Variants in CCDC60 observed in about 807,000 individuals in gnomAD.
CCDC60 encodes the protein coiled-coil domain containing 60, also known as coiled-coil domain-containing protein 60.
Under a neutral mutation model 63.5 loss-of-function variants are expected in CCDC60, and 54 were observed. That is an observed-to-expected ratio of 0.85 (90% CI 0.68 to 1.07). The LOEUF (loss-of-function observed/expected upper bound fraction) is 1.07, where lower values mean the gene tolerates loss of function less well. Among genes scored for constraint, CCDC60 ranks in the 50% least tolerant of loss-of-function variants. The pLI is 0.00. For missense variants in CCDC60, 651 were observed against 684.3 expected, an observed-to-expected ratio of 0.95 and a Z score of 0.54; for synonymous variants, 206 against 238.8, an observed-to-expected ratio of 0.86 and a Z score of 1.27.
chr12:119,414,557 G>T (rs1161072520), intron 1 of CCDC60, among the ~76,000 whole-genome samples: 1 of 151,782 alleles, frequency 6.6e-6, no homozygotes, highest in Non-Finnish European at 1.5e-5. Flanking sequence ...ATTTCATTTT[G>T]TTTTGTTTTT....
intron 7 of CCDC60, among the ~76,000 whole-genome samples, chr12:119,515,962 G>A (rs1052983873): frequency 6.6e-6 from 1 of 152,180 alleles, no homozygotes; most frequent in Non-Finnish European, 1.5e-5. Flanking sequence ...TCTCAGCTTT[G>A]GAAACAGTTC....
chr12:119,522,902 A>AC, intron 9 of CCDC60, 37 bp from the exon 10 acceptor site: 1 of 1,607,394 alleles, frequency 6.2e-7, no homozygotes, highest in Non-Finnish European at 8.5e-7. Context: ...TGAAAAGCAG[A>AC]CTCTGAGCAA....
intron 1 of CCDC60, among the ~76,000 whole-genome samples, chr12:119,336,044 T>G (rs1432477474): frequency 7.6e-6 from 1 of 132,198 alleles, no homozygotes; most frequent in Non-Finnish European, 1.5e-5. Flanking sequence ...AATTGAACAA[T>G]GAGATCACAT....
intron 1 of CCDC60, among the ~76,000 whole-genome samples, chr12:119,364,955 A>G (rs1369006495): frequency 2.0e-5 from 3 of 152,200 alleles, no homozygotes; most frequent in Non-Finnish European, 2.9e-5. Context: ...TGAGGTGTAT[A>G]GAAAACTCAG....
intron 1 of CCDC60, among the ~76,000 whole-genome samples, chr12:119,379,076 G>A (rs971013417): frequency 5.9e-5 from 9 of 152,246 alleles, no homozygotes; most frequent in African/African-American, 2.2e-4. Context: ...TTACCAGGCA[G>A]AGGCCAATTC....
At chr12:119,360,807 C>G (rs372206271) in intron 1 of CCDC60, among the ~76,000 whole-genome samples, 1 of 151,958 alleles carries the variant, frequency 6.6e-6, no homozygotes, top group Non-Finnish European at 1.5e-5. Context: ...GAGGTTGTAG[C>G]GAGCCGAGAT....
intron 4 of CCDC60, among the ~76,000 whole-genome samples, chr12:119,480,560 ACACCATCATCATCAT>A (rs1379400297): frequency 1.3e-5 from 2 of 150,556 alleles, no homozygotes; most frequent in Admixed American, 1.3e-4. Flanking sequence ...ACCATCACCA[ACACCATCATCATCAT>A]CACCATCATC....
Position 119,456,916 on chromosome 12 carries a change from T to G in CCDC60, c.171-15078T>G, listed in dbSNP as rs149402458. ...TTATGATCTGTATTTTGTGCCTACC[T>G]CCTATCTCATCCAGTGACTTAGAAT... On this transcript the variant is annotated intron_variant, in intron 2 of 13. Transcript: ENST00000327554. This position sits in a 1 kb window ranked among gnomAD's most constrained non-coding sequence, Gnocchi z 4.6. Among the ~76,000 whole-genome samples, 390 of 152,298 alleles carry G rather than the reference T, an allele frequency of 2.6e-3. No individual in the cohort carries two copies. The highest frequency in any genetic ancestry group is 8.8e-3 in the African/African-American group (364 of 41,574).
At chr12:119,448,774 A>G (rs1260694290) in intron 2 of CCDC60, among the ~76,000 whole-genome samples, 1 of 152,188 alleles carries the variant, frequency 6.6e-6, no homozygotes, top group East Asian at 1.9e-4. Context: ...GCAGTTGCCT[A>G]GAAACCAGAG....
At chr12:119,380,291 G>A (rs917330730) in intron 1 of CCDC60, among the ~76,000 whole-genome samples, 2 of 152,196 alleles carry the variant, frequency 1.3e-5, no homozygotes, top group African/African-American at 4.8e-5. Flanking sequence ...ACTCTTGGTC[G>A]GAATTTGGTG....
intron 1 of CCDC60, among the ~76,000 whole-genome samples, chr12:119,341,641 C>T (rs747195743): frequency 1.2e-4 from 19 of 152,150 alleles, no homozygotes; most frequent in Non-Finnish European, 1.9e-4. Flanking sequence ...TGCTCCTCTC[C>T]CTTCTCTGAT....
intron 1 of CCDC60, among the ~76,000 whole-genome samples, chr12:119,358,205 A>G (rs1955737580): frequency 6.6e-6 from 1 of 152,118 alleles, no homozygotes; most frequent in Non-Finnish European, 1.5e-5. Context: ...TGGGACACAG[A>G]TCCAAACCAT....
At chr12:119,464,649 C>T (rs1950919274) in intron 2 of CCDC60, among the ~76,000 whole-genome samples, 1 of 152,134 alleles carries the variant, frequency 6.6e-6, no homozygotes, top group African/African-American at 2.4e-5. Context: ...TGGAAATTAG[C>T]CACAAGAGCT....
chr12:119,457,376 G>A (rs1950767584), intron 2 of CCDC60, among the ~76,000 whole-genome samples: 1 of 152,190 alleles, frequency 6.6e-6, no homozygotes, highest in African/African-American at 2.4e-5. Context: ...CATTCAGAAA[G>A]GAGAGAAATC....
At chr12:119,354,742 G>A (rs1955699169) in intron 1 of CCDC60, among the ~76,000 whole-genome samples, 1 of 152,190 alleles carries the variant, frequency 6.6e-6, no homozygotes, top group Non-Finnish European at 1.5e-5. Context: ...TGCAAAGGCT[G>A]GCTCTCAGCC....
rs1225191123 is a variant in CCDC60, at chr12:119,456,051, G to GAAAT, written c.171-15940_171-15939insTAAA. Among the ~76,000 whole-genome samples, 1 of 144,978 alleles carries GAAAT rather than the reference G, an allele frequency of 6.9e-6. No individual in the cohort carries two copies. Among genetic ancestry groups the GAAAT allele is most frequent in the Non-Finnish European group, 1.5e-5 (1 of 66,762 alleles). ...AGAAAGAAAGAAAGAAAGAAAGAAA[G>GAAAT]AAAGAAAGAAAGCAAGCAAGCATGT... is the stretch of plus-strand genomic sequence containing the variant. On this transcript the variant is annotated intron_variant, in intron 2 of 13. Transcript: ENST00000327554. The surrounding 1 kb of genome is among the most constrained non-coding windows in gnomAD (Gnocchi z 4.6).
intron 13 of CCDC60, among the ~76,000 whole-genome samples, chr12:119,534,741 C>G (rs1488288356): frequency 6.6e-6 from 1 of 152,168 alleles, no homozygotes; most frequent in Non-Finnish European, 1.5e-5. Flanking sequence ...TATGTTGAAC[C>G]AGCCTTGCAT....
chr12:119,466,300 T>C (rs1001350990), intron 2 of CCDC60, among the ~76,000 whole-genome samples: 7 of 152,232 alleles, frequency 4.6e-5, no homozygotes, highest in African/African-American at 1.7e-4. Context: ...CCCTCTGGAA[T>C]ACGAGCTTCA....
At chr12:119,364,426 T>C (rs1955820796) in intron 1 of CCDC60, among the ~76,000 whole-genome samples, 1 of 152,208 alleles carries the variant, frequency 6.6e-6, no homozygotes, top group Admixed American at 6.5e-5. Flanking sequence ...ACTCTATCAC[T>C]ATAAGTTAAT....
Sources: gnomAD v4.1 joint callset for allele counts (sites outside exome capture counted in the v4.1 genomes callset) on GRCh38, gnomAD v4.1.1 for gene constraint, Gnocchi (gnomAD v3.1) non-coding constraint, MANE v1.5 for transcripts, NCBI Gene and HGNC (gene_info 2026-07-23, HGNC 2026-07-21) for gene names.